The following PLXND1 variants were observed in gnomAD, a reference collection of about 807,000 sequenced individuals.
PLXND1 encodes plexin-D1.
Under a neutral mutation model 197.7 loss-of-function variants are expected in PLXND1, and 54 were observed. That is an observed-to-expected ratio of 0.27 (90% CI 0.22 to 0.34). The LOEUF is 0.34. Ranked by LOEUF, PLXND1 falls within the 10% of genes least tolerant of loss-of-function variation. The probability of loss-of-function intolerance (pLI) is 1.00; values close to 1 mark genes in which losing one functional copy is unlikely to be tolerated. For synonymous variants in PLXND1, 1,180 were observed against 1,161.2 expected (o/e 1.02, Z -0.33); for missense variants, 2,127 against 2,699.2 (o/e 0.79, Z 4.70).
At position 129,589,332 on chromosome 3, in the gene PLXND1, C is replaced by CA; in HGVS notation, c.1488+18dup. On this transcript the variant is annotated intron_variant, in intron 2 of 35. Transcript: ENST00000324093. ...GCCTCCCACCCCCACCCCCTCCCCA[C>CA]ATCCCCAACCATACCTACCTTGAGA... 2.1e-6 allele frequency: 3 copies of CA among 1,419,146 alleles called. No individual in the cohort carries two copies. The highest frequency in any genetic ancestry group is 2.9e-6 in the Non-Finnish European group (3 of 1,036,838). The allele number at this position is 1,419,146 out of a possible 1,614,324, so 87.9% of individuals were successfully genotyped here.
chr3:129,560,147 GCCT>G (rs2085035991), intron 31 of PLXND1, among the ~76,000 whole-genome samples, 180 bp downstream of exon 31: 1 of 152,206 alleles, frequency 6.6e-6, no homozygotes, highest in Admixed American at 6.5e-5. Flanking sequence ...TGTGAGAAAT[GCCT>G]CCTCAAGTGG....
At position 129,606,034 on chromosome 3, in the gene PLXND1, C is replaced by A; in HGVS notation, c.606G>T (p.Ala202=). 1 of 1,597,636 alleles carries A rather than the reference C, an allele frequency of 6.3e-7. No homozygotes were observed. The highest frequency in any genetic ancestry group is 2.3e-5 in the East Asian group (1 of 44,264). ...VGLVLPPAAG[A]GGSRLLVGAT... ...CGCCCACGAGCAGGCGGCTGCCCCC[C>A]GCGCCCGCGGCGGGAGGCAGAACTA... Residue 202 remains alanine, a synonymous_variant, in exon 1 of 36, where the codon GCG becomes GCT. Coordinates refer to ENST00000324093, the MANE Select transcript of PLXND1 (RefSeq NM_015103.3).
rs1388658515 is a variant in PLXND1 at position 129,565,407 on chromosome 3, C to T, written c.4454G>A (p.Arg1485His). The change falls in exon 25 of 36, where the codon CGC (arginine) becomes CAC (histidine). Residue 1485 changes from arginine to histidine, a missense_variant. Arg to His is a conservative substitution (Grantham distance 29). Transcript: ENST00000324093. ...CATCTTCTCCACCACAGACTCTGTGCGCCGCAGCATGAGCTTGGGGTTCTT... is the reference window on the plus strand; with the variant it reads ...CATCTTCTCCACCACAGACTCTGTGTGCCGCAGCATGAGCTTGGGGTTCTT... Reference protein sequence around the residue: ...AAKNPKLMLRRTESVVEKMLT... With the variant: ...AAKNPKLMLRHTESVVEKMLT... The T allele has an allele frequency of 1.9e-6, 3 of 1,614,134 alleles. No individual in the cohort carries two copies. The highest frequency in any genetic ancestry group is 2.5e-6 in the Non-Finnish European group (3 of 1,180,026).
intron 30 of PLXND1, 127 bp downstream of exon 30, chr3:129,560,562 C>T: frequency 1.0e-6 from 1 of 960,684 alleles, no homozygotes; most frequent in Admixed American, 1.9e-5. Context: ...GGCCCCATCC[C>T]TACTCCCCCA....
intron 2 of PLXND1, among the ~76,000 whole-genome samples, chr3:129,588,760 C>G (rs1356621019): frequency 6.6e-6 from 1 of 152,262 alleles, no homozygotes; most frequent in Non-Finnish European, 1.5e-5. Context: ...GGCCCAGGCT[C>G]CGCCATGTCT....
At position 129,558,321 on chromosome 3, in the gene PLXND1, C is replaced by A; in HGVS notation, c.5445+107G>T. 1 of 1,126,826 alleles carries A rather than the reference C, an allele frequency of 8.9e-7. No individual in the cohort carries two copies. The allele number at this position is 1,126,826 out of a possible 1,614,324, so 69.8% of individuals were successfully genotyped here. ...ACCTGAGATCTTTTGGTTCCCCTCCCAGGAAGATCTCTGAGCTCAGCCTCA... is the reference window on the plus strand; with the variant it reads ...ACCTGAGATCTTTTGGTTCCCCTCCAAGGAAGATCTCTGAGCTCAGCCTCA... On this transcript the variant is annotated intron_variant, in intron 33 of 35. Transcript: ENST00000324093. This position sits in a 1 kb window ranked among gnomAD's most constrained non-coding sequence, Gnocchi z 4.1.
At chr3:129,573,471 C>T (rs538772891) in intron 13 of PLXND1, 123 bp downstream of exon 13, 20 of 1,038,058 alleles carry the variant, frequency 1.9e-5, no homozygotes, top group South Asian at 1.5e-5. Flanking sequence ...CTGGAGGCCA[C>T]GAAGCAACAG....
intron 26 of PLXND1, 71 bp downstream of exon 26, chr3:129,563,023 G>C (rs2713626): frequency 0.26 from 424,150 of 1,610,192 alleles, 58,743 homozygotes; most frequent in Middle Eastern, 0.29. Context: ...AGGCCCTGCA[G>C]AGGAAGGCTG....
At chr3:129,559,863 G>A in intron 31 of PLXND1, 80 bp from the exon 32 acceptor site, 1 of 1,213,328 alleles carries the variant, frequency 8.2e-7, no homozygotes, top group Non-Finnish European at 1.1e-6. Flanking sequence ...GCTCTGCGGA[G>A]CTTGAAATGC....
intron 19 of PLXND1, among the ~76,000 whole-genome samples, chr3:129,570,527 G>A (rs1393165636): frequency 2.0e-5 from 3 of 152,218 alleles, no homozygotes; most frequent in African/African-American, 7.2e-5. Context: ...AGACGCCAAG[G>A]GGGACAGGGA....
intron 35 of PLXND1, 43 bp from the exon 36 acceptor site, chr3:129,556,471 C>G: frequency 6.6e-7 from 1 of 1,523,300 alleles, no homozygotes; most frequent in Non-Finnish European, 9.1e-7. Context: ...GCCGGTAGCC[C>G]TGCCTCAGTT....
Position 129,571,524 on chromosome 3 carries a change from A to G in PLXND1, c.3321T>C (p.Ile1107=). ...VQNVSMAVHH[I]GREPTLCKVL... The stretch of plus-strand genomic sequence containing the variant: ...AATGCCTCACCGTGGGCTCCCGGCC[A>G]ATGTGGTGGACGGCCATGGACACAT... The change falls in exon 17 of 36, where the codon ATT becomes ATC. Residue 1107 remains isoleucine (I), a synonymous_variant. Transcript: ENST00000324093. The G allele has an allele frequency of 6.2e-7, 1 of 1,612,926 alleles. No individual in the cohort carries two copies. The highest frequency in any genetic ancestry group is 8.5e-7 in the Non-Finnish European group (1 of 1,179,468).
At chr3:129,578,278 C>G (rs779650974) in intron 9 of PLXND1, 51 bp downstream of exon 9, 17 of 1,168,314 alleles carry the variant, frequency 1.5e-5, no homozygotes, top group Non-Finnish European at 2.1e-5. Context: ...GGCCTGCGTG[C>G]TCCCCGGCCT....
rs781101082 is a variant in PLXND1 at position 129,560,423 on chromosome 3, C to T, written c.5040G>A (p.Thr1680=). 17 of 1,612,822 alleles carry T rather than the reference C, an allele frequency of 1.1e-5. No individual in the cohort carries two copies. The highest frequency in any genetic ancestry group is 4.0e-5 in the African/African-American group (3 of 74,922). The change falls in exon 31 of 36, where the codon ACG becomes ACA. Residue 1680 remains threonine (T), a synonymous_variant. Transcript: ENST00000324093. ...ACTTCTTGGGCTCCGCCAGCTCGTC[C>T]GTAGGCAGCACCTGGGAGGCCGGGC... ...TEKYFHLVLP[T]DELAEPKKSH...
chr3:129,579,255 C>T lies in PLXND1; in HGVS notation c.2242-822G>A, dbSNP rs372957604. Among the ~76,000 whole-genome samples, 42 of 152,206 alleles carry T rather than the reference C, an allele frequency of 2.8e-4. No homozygotes were observed. The East Asian group carries it at 2.9e-3, about 10-fold the overall frequency. ...CCAAGAGCAGTGAGCTGCCTGAGGG[C>T]GGAGGACAGGGCTGGCCCCTGAAGC... On this transcript the variant is annotated intron_variant, in intron 8 of 35. Transcript: ENST00000324093.
rs2085233850 is a variant in PLXND1 at position 129,571,741 on chromosome 3, G to A, written c.3181C>T (p.Leu1061Phe). 5.6e-6 allele frequency: 9 copies of A among 1,613,482 alleles called. No homozygotes were observed. Among genetic ancestry groups the A allele is most frequent in the Admixed American group, 1.7e-5 (1 of 60,010 alleles). ...FERRGCVHGNLTFWYMQNPVI... is the reference protein window; with the variant it reads ...FERRGCVHGNFTFWYMQNPVI... ...GGGTTCTGCATGTACCAGAAGGTGA[G>A]GTTGCCGTGCACGCAGCCCCGACGC... is the stretch of plus-strand genomic sequence containing the variant. The change falls in exon 16 of 36, where the codon CTC becomes TTC. Residue 1061 changes from leucine to phenylalanine, a missense_variant. By Grantham distance (22) the Leu-to-Phe change is conservative. This residue lies in a region of PLXND1 where 1,095 missense variants were observed against 1,259.8 expected (regional missense o/e 0.87). Coordinates refer to ENST00000324093, the MANE Select transcript of PLXND1 (RefSeq NM_015103.3).
intron 29 of PLXND1, among the ~76,000 whole-genome samples, chr3:129,561,418 C>T (rs73863114): frequency 0.14 from 21,021 of 152,188 alleles, 1,676 homozygotes; most frequent in African/African-American, 0.21. Flanking sequence ...CCCGCCCTCC[C>T]GGGGCCTCTC....
intron 13 of PLXND1, 129 bp downstream of exon 13, chr3:129,573,465 A>G (rs1002248473): frequency 2.1e-6 from 2 of 936,890 alleles, no homozygotes; most frequent in Non-Finnish European, 1.6e-6. Context: ...ACAGGCCTGG[A>G]GGCCACGAAG....
At chr3:129,559,507 G>GGCAGAGGAGGGCTTGACCCCAA in intron 32 of PLXND1, 113 bp downstream of exon 32, 1 of 764,304 alleles carries the variant, frequency 1.3e-6, no homozygotes, top group Non-Finnish European at 2.1e-6. Flanking sequence ...GCTGGGAAAT[G>GGCAGAGGAGGGCTTGACCCCAA]GCAGAGGAGG....
Sources: allele counts gnomAD v4.1 joint callset (sites outside exome capture counted in the v4.1 genomes callset), GRCh38; gene constraint gnomAD v4.1.1; regional missense constraint gnomAD v4.1.1; non-coding constraint Gnocchi (gnomAD v3.1); transcripts MANE v1.5; gene names NCBI Gene and HGNC (gene_info 2026-07-23, HGNC 2026-07-21).